UBE3C: variants seen among roughly 807,000 people sequenced by gnomAD.
UBE3C encodes ubiquitin protein ligase E3C, also known as ubiquitin-protein ligase E3C.
Under a neutral mutation model 129.4 loss-of-function variants are expected in UBE3C, and 42 were observed. The observed-to-expected ratio is 0.32, with a 90% CI of 0.25 to 0.42. The LOEUF (loss-of-function observed/expected upper bound fraction) is 0.42. Among genes scored for constraint, UBE3C ranks in the 10% least tolerant of loss-of-function variants. The pLI is 1.00. For synonymous variants in UBE3C, 510 were observed against 492.4 expected (o/e 1.04, Z -0.47); for missense variants, 1,049 against 1,319.1 (o/e 0.80, Z 3.17).
rs1586681553 is a variant in UBE3C, at chr7:157,197,983, A to G, written c.1332-3738A>G. 2.5e-6 allele frequency: 4 copies of G among 1,609,548 alleles called. No homozygotes were observed. In the East Asian group the frequency reaches 8.9e-5, roughly 36 times the overall value. ...TTGAACCTCAATCTAGGTTTTATGT[A>G]TTCTTGATCCTGATGGTCCTCCATA... is the stretch of plus-strand genomic sequence containing the variant. On this transcript the variant is annotated intron_variant, in intron 10 of 22. Coordinates refer to ENST00000348165, the MANE Select transcript of UBE3C (RefSeq NM_014671.3).
At chr7:157,182,930 G>A (rs1808706927) in intron 8 of UBE3C, among the ~76,000 whole-genome samples, 1 of 152,072 alleles carries the variant, frequency 6.6e-6, no homozygotes. Context: ...TGTATTTTTA[G>A]TAGAGACGGG....
At chr7:157,178,651 C>A in intron 5 of UBE3C, 39 bp from the exon 6 acceptor site, 1 of 1,583,584 alleles carries the variant, frequency 6.3e-7, no homozygotes, top group South Asian at 1.1e-5. Context: ...GACATTTTGC[C>A]ATCCTGTAAG....
At chr7:157,153,273 G>T (rs1409976633) in intron 1 of UBE3C, among the ~76,000 whole-genome samples, 1 of 152,024 alleles carries the variant, frequency 6.6e-6, no homozygotes, top group Non-Finnish European at 1.5e-5. Flanking sequence ...CTAGATTGTT[G>T]GCAGTTAGTA....
intron 16 of UBE3C, 57 bp downstream of exon 16, chr7:157,223,408 A>G: frequency 7.0e-7 from 1 of 1,436,426 alleles, no homozygotes; most frequent in South Asian, 1.3e-5. Context: ...TAAGAAATTA[A>G]CACACACCCA....
At chr7:157,229,058 C>T (rs1485513069) in intron 17 of UBE3C, among the ~76,000 whole-genome samples, 2 of 152,174 alleles carry the variant, frequency 1.3e-5, no homozygotes, top group Admixed American at 6.5e-5. Flanking sequence ...CAACAGAGGG[C>T]AGCAGCGCAT....
chr7:157,173,000 A>G (rs1225885454), intron 4 of UBE3C, among the ~76,000 whole-genome samples: 2 of 152,224 alleles, frequency 1.3e-5, no homozygotes, highest in Non-Finnish European at 2.9e-5. Flanking sequence ...CCTCGAGCAA[A>G]TATCAAGCAA....
At position 157,220,965 on chromosome 7, in the gene UBE3C, A is replaced by T. The variant is rs112256973; in HGVS notation, c.2002+189A>T. On this transcript the variant is annotated intron_variant, in intron 15 of 22. Coordinates refer to ENST00000348165, the MANE Select transcript of UBE3C (RefSeq NM_014671.3). Reference sequence around the variant, plus strand: ...GCTCCATTGCGGCCACCTCTTCAGCAGCCACCCATTTCTGTTTTGTCCTGT... The same window carrying T: ...GCTCCATTGCGGCCACCTCTTCAGCTGCCACCCATTTCTGTTTTGTCCTGT... The T allele has an allele frequency of 1.3e-4, 75 of 570,604 alleles. 1 individual carries two copies. The highest frequency in any genetic ancestry group is 1.3e-3 in the Admixed American group (41 of 32,680). 35.3% of individuals were successfully genotyped at this position (570,604 alleles called of 1,614,324 possible). A position where few individuals can be genotyped will look rare whatever the true frequency, so the allele number is the denominator to read the frequency against.
At chr7:157,150,761 A>G (rs1486573713) in intron 1 of UBE3C, among the ~76,000 whole-genome samples, 10 of 152,272 alleles carry the variant, frequency 6.6e-5, no homozygotes, top group Admixed American at 6.5e-4. Context: ...TTATCTGAAC[A>G]GTAAAGATAG....
At chr7:157,239,028 C>G (rs1367584596) in intron 18 of UBE3C, among the ~76,000 whole-genome samples, 2 of 152,126 alleles carry the variant, frequency 1.3e-5, no homozygotes, top group Non-Finnish European at 2.9e-5. Context: ...GTGGTGAAGG[C>G]AAAAACCTCA....
chr7:157,202,727 A>G (rs1809325483), intron 11 of UBE3C, among the ~76,000 whole-genome samples: 1 of 152,256 alleles, frequency 6.6e-6, no homozygotes, highest in African/African-American at 2.4e-5. Context: ...TGTGTAATTC[A>G]GTTAATTGGA....
At chr7:157,244,120 C>T (rs905883843) in intron 18 of UBE3C, among the ~76,000 whole-genome samples, 47 of 152,154 alleles carry the variant, frequency 3.1e-4, no homozygotes, top group African/African-American at 1.1e-3. Context: ...ATCCCAGCTG[C>T]TCGCGAGGCT....
At chr7:157,228,079 T>C (rs1795926741) in intron 17 of UBE3C, among the ~76,000 whole-genome samples, 2 of 152,244 alleles carry the variant, frequency 1.3e-5, no homozygotes, top group African/African-American at 4.8e-5. Flanking sequence ...TTACATATAA[T>C]CAACTAATGT....
intron 13 of UBE3C, among the ~76,000 whole-genome samples, chr7:157,213,955 T>C (rs1809664482): frequency 6.6e-6 from 1 of 152,234 alleles, no homozygotes; most frequent in South Asian, 2.1e-4. Flanking sequence ...TAAAAATGTA[T>C]TATTTGATAT....
chr7:157,216,954 G>T lies in UBE3C; in HGVS notation c.1897G>T (p.Asp633Tyr). ...AAACCACTGGCTGTCAGAACAAGAA[G>T]ATATTAAAGCAGATAAGGTGTTATT... ...PPNHWLSEQE[D>Y]IKADKVTQLY... Residue 633 changes from aspartate to tyrosine, a missense_variant, in exon 14 of 23, where the codon GAT becomes TAT. Physicochemically the swap from Asp to Tyr is radical, Grantham distance 160. Transcript: ENST00000348165. 6.2e-7 allele frequency: 1 copy of T among 1,613,712 alleles called. No individual in the cohort carries two copies. The highest frequency in any genetic ancestry group is 8.5e-7 in the Non-Finnish European group (1 of 1,179,716).
chr7:157,266,183 G>A (rs1243057133), intron 22 of UBE3C, among the ~76,000 whole-genome samples: 1 of 152,042 alleles, frequency 6.6e-6, no homozygotes, highest in Non-Finnish European at 1.5e-5. Flanking sequence ...GCGTGGTGGC[G>A]GGAGCCTGTA....
intron 4 of UBE3C, among the ~76,000 whole-genome samples, chr7:157,174,232 G>C (rs1563040292): frequency 6.6e-6 from 1 of 151,978 alleles, no homozygotes; most frequent in East Asian, 1.9e-4. Context: ...CGTGGTGGCG[G>C]GCACCCGTAA....
chr7:157,256,976 G>A lies in UBE3C; in HGVS notation c.3013G>A (p.Asp1005Asn). The A allele has an allele frequency of 6.2e-7, 1 of 1,614,202 alleles. No homozygotes were observed. Among genetic ancestry groups the A allele is most frequent in the Non-Finnish European group, 8.5e-7 (1 of 1,180,034 alleles). Residue 1005 changes from aspartate to asparagine, a missense_variant, in exon 22 of 23, where the codon GAT becomes AAT. Around this residue, in one of 4 missense-constraint regions of UBE3C, gnomAD observed 243 missense variants for 368.7 expected, o/e 0.66. Transcript: ENST00000348165. ...VFWRVVEGFT[D>N]EEKRKLLKFV... ...CTGGAGAGTTGTGGAAGGGTTCACT[G>A]ATGAAGAAAAGCGCAAACTGCTGAA...
chr7:157,167,293 T>C (rs1432661665), intron 2 of UBE3C, among the ~76,000 whole-genome samples: 2 of 152,128 alleles, frequency 1.3e-5, no homozygotes, highest in African/African-American at 4.8e-5. Context: ...CTGATGGTGT[T>C]CTTGAATCCC....
intron 22 of UBE3C, among the ~76,000 whole-genome samples, chr7:157,259,496 C>A (rs1796841669): frequency 6.6e-6 from 1 of 152,130 alleles, no homozygotes; most frequent in South Asian, 2.1e-4. Flanking sequence ...CGAAATAATT[C>A]ACAGTACATG....
Sources: gnomAD v4.1 joint callset for allele counts (sites outside exome capture counted in the v4.1 genomes callset) on GRCh38, gnomAD v4.1.1 for gene constraint, gnomAD v4.1.1 regional missense constraint, MANE v1.5 for transcripts, NCBI Gene and HGNC (gene_info 2026-07-23, HGNC 2026-07-21) for gene names.